VIRMA: variants seen among roughly 807,000 people sequenced by gnomAD.
The protein encoded by VIRMA is vir like m6A methyltransferase associated.
In VIRMA, 65 loss-of-function variants were observed where a neutral mutation model predicts 182.4. That is an observed-to-expected ratio of 0.36 (90% CI 0.29 to 0.44). The LOEUF is 0.44. Among genes scored for constraint, VIRMA ranks in the 20% least tolerant of loss-of-function variants. VIRMA has a pLI of 1.00. For missense variants in VIRMA, 1,752 were observed against 2,158.1 expected (o/e 0.81, Z 3.73); for synonymous variants, 709 against 743.1 (o/e 0.95, Z 0.75).
intron 16 of VIRMA, among the ~76,000 whole-genome samples, chr8:94,504,382 C>T (rs1814084802): frequency 6.6e-6 from 1 of 152,060 alleles, no homozygotes; most frequent in African/African-American, 2.4e-5. Flanking sequence ...GTTTCTCAGA[C>T]ATATGAAGCA....
At chr8:94,488,932 A>G in intron 23 of VIRMA, 72 bp from the exon 24 acceptor site, 1 of 1,508,406 alleles carries the variant, frequency 6.6e-7, no homozygotes, top group Non-Finnish European at 9.0e-7. Flanking sequence ...CTAATCTACG[A>G]CACTGAGCTC....
At chr8:94,506,973 C>G (rs1180019176) in intron 15 of VIRMA, among the ~76,000 whole-genome samples, 2 of 151,948 alleles carry the variant, frequency 1.3e-5, no homozygotes, top group Non-Finnish European at 2.9e-5. Flanking sequence ...AAAACAACAT[C>G]TTTCAAATTT....
At chr8:94,547,625 CTG>C (rs1246080871) in intron 1 of VIRMA, among the ~76,000 whole-genome samples, 4 of 150,686 alleles carry the variant, frequency 2.7e-5, no homozygotes, top group Non-Finnish European at 4.4e-5. Context: ...TCTCCTAGGA[CTG>C]TATTTTAACC....
chr8:94,526,438 T>C lies in VIRMA; in HGVS notation c.1806A>G (p.Glu602=), dbSNP rs1814969610. 2 of 1,613,956 alleles carry C rather than the reference T, an allele frequency of 1.2e-6. No homozygotes were observed. The highest frequency in any genetic ancestry group is 8.5e-7 in the Non-Finnish European group (1 of 1,179,992). The change falls in exon 8 of 24, where the codon GAA becomes GAG. Residue 602 remains glutamate, a synonymous_variant. Coordinates refer to ENST00000297591, the MANE Select transcript of VIRMA (RefSeq NM_015496.5). ...TATCCATAGAAGCTTCCACCTCATT[T>C]TCATATTCTGGGTTTGTTCTCTCAA... ...AGLERTNPEY[E]NEVEASMDMD...
intron 4 of VIRMA, 32 bp downstream of exon 4, chr8:94,537,071 A>C: frequency 6.9e-7 from 1 of 1,454,082 alleles, no homozygotes; most frequent in Non-Finnish European, 9.7e-7. Flanking sequence ...GCAAATAGTA[A>C]TGACAAGCTG....
At chr8:94,508,071 C>A (rs954993189) in intron 15 of VIRMA, among the ~76,000 whole-genome samples, 4 of 151,838 alleles carry the variant, frequency 2.6e-5, no homozygotes, top group Admixed American at 6.6e-5. Flanking sequence ...TCTAAAAACT[C>A]CTGCTACTCT....
chr8:94,508,533 T>C (rs1814246618), intron 15 of VIRMA, among the ~76,000 whole-genome samples: 1 of 152,042 alleles, frequency 6.6e-6, no homozygotes, highest in African/African-American at 2.4e-5. Context: ...AGGCCATCAA[T>C]GAGATTCGTG....
chr8:94,488,278 T>C lies in VIRMA; in HGVS notation c.*428A>G, dbSNP rs956775519. On this transcript the variant is annotated 3_prime_UTR_variant, in exon 24 of 24. Coordinates refer to ENST00000297591, the MANE Select transcript of VIRMA (RefSeq NM_015496.5). Reference sequence around the variant, plus strand: ...ATGCAGTGTCCACAGTTACTAGTGGTGATGATGTACATTCTTATTAAGCTG... The same window carrying C: ...ATGCAGTGTCCACAGTTACTAGTGGCGATGATGTACATTCTTATTAAGCTG... 6.4e-6 allele frequency: 1 copy of C among 155,700 alleles called. No individual in the cohort carries two copies. Among genetic ancestry groups the C allele is most frequent in the Non-Finnish European group, 1.4e-5 (1 of 70,058 alleles). 9.6% of individuals were successfully genotyped at this position (155,700 alleles called of 1,614,324 possible). A position where few individuals can be genotyped will look rare whatever the true frequency, so the allele number is the denominator to read the frequency against.
intron 16 of VIRMA, among the ~76,000 whole-genome samples, chr8:94,501,430 A>G (rs376463744): frequency 1.3e-5 from 2 of 152,214 alleles, no homozygotes; most frequent in African/African-American, 4.8e-5. Context: ...GACTGGATAC[A>G]CTAAGGCTAA....
chr8:94,535,739 C>T (rs1000149430), intron 4 of VIRMA, among the ~76,000 whole-genome samples: 1 of 150,932 alleles, frequency 6.6e-6, no homozygotes, highest in African/African-American at 2.4e-5. Flanking sequence ...AAGATTGCGC[C>T]ACTGCACACT....
chr8:94,515,554 T>C (rs1053213039), intron 10 of VIRMA, among the ~76,000 whole-genome samples: 2 of 151,132 alleles, frequency 1.3e-5, no homozygotes, highest in Admixed American at 6.6e-5. Context: ...GTATTTTTTG[T>C]AGAGATGGGG....
chr8:94,548,822 A>AT (rs1563484803), intron 1 of VIRMA, among the ~76,000 whole-genome samples: 1 of 151,780 alleles, frequency 6.6e-6, no homozygotes, highest in African/African-American at 2.4e-5. Flanking sequence ...CGCCTGGCTA[A>AT]TTTTTTTTGT....
chr8:94,506,728 C>G lies in VIRMA; in HGVS notation c.3880-11G>C. The G allele has an allele frequency of 1.9e-6, 3 of 1,558,372 alleles. No homozygotes were observed. The highest frequency in any genetic ancestry group is 2.6e-6 in the Non-Finnish European group (3 of 1,147,510). On this transcript the variant is annotated splice_polypyrimidine_tract_variant and intron_variant, in intron 15 of 23. Transcript: ENST00000297591. ...GATAAGTGCAATGTCCTGTGGGGAG[C>G]AGGGAAAAAAAAATCGATTTTTTAA...
At chr8:94,549,798 C>A (rs1815908401) in intron 1 of VIRMA, among the ~76,000 whole-genome samples, 3 of 152,108 alleles carry the variant, frequency 2.0e-5, no homozygotes, top group African/African-American at 7.2e-5. Flanking sequence ...AGATGACTAC[C>A]TTTGAAAACT....
At position 94,509,865 on chromosome 8, in the gene VIRMA, T is replaced by G; in HGVS notation, c.3702A>C (p.Ser1234=). The change falls in exon 15 of 24, where the codon TCA becomes TCC. Residue 1234 remains serine (S), a synonymous_variant. Coordinates refer to ENST00000297591, the MANE Select transcript of VIRMA (RefSeq NM_015496.5). ...RLLALLDALA[S]HKACKLAILH... ...AAATAGCTAATTTACAAGCTTTGTGTGAAGCCAGAGCATCAAGAAGAGCAA... is the reference window on the plus strand; with the variant it reads ...AAATAGCTAATTTACAAGCTTTGTGGGAAGCCAGAGCATCAAGAAGAGCAA... The G allele has an allele frequency of 6.2e-7, 1 of 1,614,044 alleles. No homozygotes were observed. Among genetic ancestry groups the G allele is most frequent in the Non-Finnish European group, 8.5e-7 (1 of 1,179,910 alleles).
chr8:94,523,125 GTATTA>G (rs1388439518), intron 8 of VIRMA, among the ~76,000 whole-genome samples: 2 of 152,134 alleles, frequency 1.3e-5, no homozygotes, highest in Admixed American at 6.6e-5. Context: ...GACTACAAAT[GTATTA>G]TATTTGCATA....
intron 2 of VIRMA, among the ~76,000 whole-genome samples, chr8:94,541,639 T>C (rs1470633265): frequency 6.6e-6 from 1 of 152,100 alleles, no homozygotes; most frequent in Non-Finnish European, 1.5e-5. Context: ...CCCCCCAGGT[T>C]CAGGCGATTC....
chr8:94,541,152 T>C (rs558666228), intron 2 of VIRMA, among the ~76,000 whole-genome samples: 1 of 151,792 alleles, frequency 6.6e-6, no homozygotes, highest in Non-Finnish European at 1.5e-5. Flanking sequence ...GAAACAGTCT[T>C]GCTTTGTTGC....
At chr8:94,510,065 T>C (rs2130303959) in intron 14 of VIRMA, 125 bp from the exon 15 acceptor site, 1 of 839,118 alleles carries the variant, frequency 1.2e-6, no homozygotes, top group African/African-American at 1.7e-5. Flanking sequence ...ATTCCTTGGG[T>C]ATAATGACAA....
Sources: allele counts gnomAD v4.1 joint callset (sites outside exome capture counted in the v4.1 genomes callset), GRCh38; gene constraint gnomAD v4.1.1; transcripts MANE v1.5; gene names NCBI Gene and HGNC (gene_info 2026-07-23, HGNC 2026-07-21).